Variants in CSPG4 observed in about 807,000 individuals in gnomAD.
CSPG4 encodes the protein chondroitin sulfate proteoglycan 4 (melanoma-associated).
In CSPG4, 74 loss-of-function variants were observed where a neutral mutation model predicts 139.3. The observed-to-expected ratio is 0.53, with a 90% confidence interval of 0.44 to 0.64. CSPG4 has a LOEUF of 0.64. Among genes scored for constraint, CSPG4 ranks in the 30% least tolerant of loss-of-function variants. The probability of loss-of-function intolerance (pLI) is 0.00; values close to 1 mark genes in which losing one functional copy is unlikely to be tolerated. For missense variants in CSPG4, 2,565 were observed against 3,148.3 expected (o/e 0.81, Z 4.43); for synonymous variants, 1,234 against 1,394.2 (o/e 0.89, Z 2.56).
At chr15:75,710,280 C>T (rs1161947626) in intron 1 of CSPG4, among the ~76,000 whole-genome samples, 2 of 152,154 alleles carry the variant, frequency 1.3e-5, no homozygotes, top group African/African-American at 2.4e-5. Flanking sequence ...TGTGACCCCC[C>T]GACTAGAATG....
At position 75,703,458 on chromosome 15, in the gene CSPG4, A is replaced by G. The variant is rs1225094765; in HGVS notation, c.88+9210T>C. Among the ~76,000 whole-genome samples the G allele has an allele frequency of 7.3e-5, 11 of 151,084 alleles. No homozygotes were observed. The East Asian group carries it at 1.4e-3, about 19-fold the overall frequency. ...CAGAGTCCGGGTGGAGCCGGTGAGGAGGGAGGAAGCAGGCGTCTCTGTGGC... is the reference window on the plus strand; with the variant it reads ...CAGAGTCCGGGTGGAGCCGGTGAGGGGGGAGGAAGCAGGCGTCTCTGTGGC... On this transcript the variant is annotated intron_variant, in intron 1 of 9. Coordinates refer to ENST00000308508, the MANE Select transcript of CSPG4 (RefSeq NM_001897.5).
rs760517455 is a variant in CSPG4, at chr15:75,685,247, C to T, written c.4244G>A (p.Arg1415Lys). The change falls in exon 4 of 10, where the codon AGG becomes AAG. Residue 1415 changes from arginine (R) to lysine (K), a missense_variant. Coordinates refer to ENST00000308508, the MANE Select transcript of CSPG4 (RefSeq NM_001897.5). ...ALQKEDGPQA[R>K]TLSAFSWRMV... ...TCTCCAGGAGAAGGCGCTGAGGGTCCTGGCTTGAGGTCCGTCCTCCTTCTG... is the reference window on the plus strand; with the variant it reads ...TCTCCAGGAGAAGGCGCTGAGGGTCTTGGCTTGAGGTCCGTCCTCCTTCTG... 3 of 1,529,796 alleles carry T rather than the reference C, an allele frequency of 2.0e-6. No individual in the cohort carries two copies. The highest frequency in any genetic ancestry group is 2.3e-5 in the East Asian group (1 of 44,114). 94.8% of individuals were successfully genotyped at this position (1,529,796 alleles called of 1,614,324 possible).
intron 1 of CSPG4, among the ~76,000 whole-genome samples, chr15:75,706,287 G>A (rs150213105): frequency 4.6e-5 from 7 of 152,352 alleles, no homozygotes; most frequent in Middle Eastern, 3.4e-3. Context: ...GCCCTGGCGG[G>A]GGAACGAGGC....
Position 75,676,117 on chromosome 15 carries a change from G to C in CSPG4, c.6402C>G (p.Ala2134=). Residue 2134 remains alanine, a synonymous_variant, in exon 10 of 10, where the codon GCC becomes GCG. Coordinates refer to ENST00000308508, the MANE Select transcript of CSPG4 (RefSeq NM_001897.5). ...TGAGACTGTCACCTGCGGGGCCGGGGGCCCTCCCCTCTGGCCTGCCCACCT... is the reference window on the plus strand; with the variant it reads ...TGAGACTGTCACCTGCGGGGCCGGGCGCCCTCCCCTCTGGCCTGCCCACCT... ...GLEVGRPEGR[A]PGPAGDSLTL... 1 of 1,536,942 alleles carries C rather than the reference G, an allele frequency of 6.5e-7. No individual in the cohort carries two copies.
chr15:75,697,771 G>A (rs1181691790), intron 1 of CSPG4, among the ~76,000 whole-genome samples: 1 of 152,214 alleles, frequency 6.6e-6, no homozygotes, highest in East Asian at 1.9e-4. Flanking sequence ...GAGGGCAGGA[G>A]ACCTGGACAT....
Position 75,688,257 on chromosome 15 carries a change from G to C in CSPG4, c.2808C>G (p.Val936=). 6.2e-7 allele frequency: 1 copy of C among 1,613,034 alleles called. No individual in the cohort carries two copies. The change falls in exon 3 of 10, where the codon GTC becomes GTG. Residue 936 remains valine, a synonymous_variant. Coordinates refer to ENST00000308508, the MANE Select transcript of CSPG4 (RefSeq NM_001897.5). The part of the protein sequence containing the change: ...SLNSASYLYE[V]MERPRHGRLA... Reference sequence around the variant, plus strand: ...ACCTCCCATGGCGGGGCCGCTCCATGACCTCATAGAGGTAGCTGGCACTGT... The same window carrying C: ...ACCTCCCATGGCGGGGCCGCTCCATCACCTCATAGAGGTAGCTGGCACTGT...
Position 75,674,869 on chromosome 15 carries a change from A to T in CSPG4, c.*681T>A, listed in dbSNP as rs563480194. The T allele has an allele frequency of 7.5e-6, 3 of 398,644 alleles. No homozygotes were observed. In the South Asian group the frequency reaches 3.8e-4, roughly 51 times the overall value. 24.7% of individuals were successfully genotyped at this position (398,644 alleles called of 1,614,324 possible). A position where few individuals can be genotyped will look rare whatever the true frequency, so the allele number is the denominator to read the frequency against. ...ATCCCACACCCCCAGGGGCTCCATC[A>T]GTCCTGGCTAGCTCAGCACCATGTT... On this transcript the variant is annotated 3_prime_UTR_variant, in exon 10 of 10. Coordinates refer to ENST00000308508, the MANE Select transcript of CSPG4 (RefSeq NM_001897.5).
intron 5 of CSPG4, among the ~76,000 whole-genome samples, chr15:75,683,328 G>C (rs368021207): frequency 6.6e-6 from 1 of 152,168 alleles, no homozygotes; most frequent in African/African-American, 2.4e-5. Context: ...CCCTACCCAG[G>C]AAGGCCCCAG....
rs1362202520 is a variant in CSPG4 at position 75,688,250 on chromosome 15, G to T, written c.2815C>A (p.Arg939=). The T allele has an allele frequency of 5.0e-6, 8 of 1,612,844 alleles. No homozygotes were observed. In the Admixed American group the frequency reaches 1.2e-4, roughly 24 times the overall value. ...CAAGCCAACCTCCCATGGCGGGGCCGCTCCATGACCTCATAGAGGTAGCTG... is the reference window on the plus strand; with the variant it reads ...CAAGCCAACCTCCCATGGCGGGGCCTCTCCATGACCTCATAGAGGTAGCTG... ...SASYLYEVME[R]PRHGRLAWRG... Residue 939 remains arginine, a synonymous_variant, in exon 3 of 10, where the codon CGG becomes AGG. Transcript: ENST00000308508.
chr15:75,692,932 C>G, intron 2 of CSPG4, 138 bp downstream of exon 2: 1 of 592,146 alleles, frequency 1.7e-6, no homozygotes, highest in East Asian at 2.9e-5. Flanking sequence ...CTGCTGCTGC[C>G]CATCCCACAG....
intron 1 of CSPG4, among the ~76,000 whole-genome samples, chr15:75,700,462 G>C (rs1894286852): frequency 6.6e-6 from 1 of 152,180 alleles, no homozygotes; most frequent in Non-Finnish European, 1.5e-5. Flanking sequence ...TGTGGCTCTG[G>C]GGCTGGCCGA....
chr15:75,703,986 G>A (rs12440052), intron 1 of CSPG4, among the ~76,000 whole-genome samples: 24,436 of 47,528 alleles, frequency 0.51, 7,371 homozygotes, highest in African/African-American at 0.68. Context: ...GAAGATGGGA[G>A]CCGGGGGTGG....
chr15:75,686,244 C>T (rs548477017), intron 3 of CSPG4, among the ~76,000 whole-genome samples: 67 of 152,342 alleles, frequency 4.4e-4, no homozygotes, highest in African/African-American at 1.4e-3. Flanking sequence ...CATATGCTGA[C>T]GCAGTCACAC....
At chr15:75,702,154 C>G (rs1894311652) in intron 1 of CSPG4, among the ~76,000 whole-genome samples, 1 of 152,200 alleles carries the variant, frequency 6.6e-6, no homozygotes, top group African/African-American at 2.4e-5. Flanking sequence ...AGGCCCCCAC[C>G]CCCGGGTGGC....
chr15:75,678,965 C>T (rs1431287085), intron 8 of CSPG4: 1 of 356,926 alleles, frequency 2.8e-6, no homozygotes, highest in African/African-American at 2.1e-5. Flanking sequence ...TTCCTCCTAC[C>T]TCACAGACTC....
rs751733501 is a variant in CSPG4 at position 75,683,035 on chromosome 15, C to G, written c.4456G>C (p.Glu1486Gln). The change falls in exon 6 of 10, where the codon GAG (glutamate) becomes CAG (glutamine). Residue 1486 changes from glutamate to glutamine, a missense_variant. Around this residue, in one of 5 missense-constraint regions of CSPG4, gnomAD observed 2,316 missense variants for 2,818.2 expected, o/e 0.82. Transcript: ENST00000308508. ...GCAGGGATGGGCGCAGTGGCCCCCT[C>G]CCACATCTGGGAACACAGGCCTGTG... ...LTTNTGLQMW[E>Q]GATAPIPAEA... is the part of the protein sequence containing the mutation. The G allele has an allele frequency of 4.4e-5, 71 of 1,609,566 alleles. No homozygotes were observed. The highest frequency in any genetic ancestry group is 3.3e-5 in the Admixed American group (2 of 59,936).
rs753437116 is a variant in CSPG4, at chr15:75,687,796, C to G, written c.3269G>C (p.Arg1090Pro). The change falls in exon 3 of 10, where the codon CGA becomes CCA. Residue 1090 changes from arginine (R) to proline (P), a missense_variant. This residue lies in a region of CSPG4 where 2,316 missense variants were observed against 2,818.2 expected (regional missense o/e 0.82). Transcript: ENST00000308508. This position sits in a 1 kb window ranked among gnomAD's most constrained non-coding sequence, Gnocchi z 5.4. ...RFTQEDLRKR[R>P]VLFVHSGADR... is the part of the protein sequence containing the mutation. ...AGCCCCTGAGTGCACGAACAGTACT[C>G]GCCTCTTCCTGAGGTCCTCCTGGGT... The G allele has an allele frequency of 8.1e-6, 13 of 1,612,912 alleles. No homozygotes were observed. Among genetic ancestry groups the G allele is most frequent in the Non-Finnish European group, 1.1e-5 (13 of 1,179,998 alleles).
rs775481005 is a variant in CSPG4, at chr15:75,690,623, C to A, written c.442G>T (p.Val148Phe). ...AGGCCAAGGGTCCCAGTGCCCCCAA[C>A]AAAGAGCCCATAGGGGACCTCTAGG... ...APLEVPYGLF[V>F]GGTGTLGLPY... The change falls in exon 3 of 10, where the codon GTT becomes TTT. Residue 148 changes from valine to phenylalanine, a missense_variant. By Grantham distance (50) the Val-to-Phe change is conservative. Transcript: ENST00000308508. 3 of 1,610,656 alleles carry A rather than the reference C, an allele frequency of 1.9e-6. No individual in the cohort carries two copies. Among genetic ancestry groups the A allele is most frequent in the Non-Finnish European group, 2.5e-6 (3 of 1,179,480 alleles).
chr15:75,678,827 A>G (rs981239564), intron 8 of CSPG4: 3 of 456,074 alleles, frequency 6.6e-6, no homozygotes, highest in African/African-American at 6.0e-5. Context: ...CAAGGGCACC[A>G]GAGGCCTCCG....
Sources: allele counts gnomAD v4.1 joint callset (sites outside exome capture counted in the v4.1 genomes callset), GRCh38; gene constraint gnomAD v4.1.1; regional missense constraint gnomAD v4.1.1; non-coding constraint Gnocchi (gnomAD v3.1); transcripts MANE v1.5; gene names NCBI Gene and HGNC (gene_info 2026-07-23, HGNC 2026-07-21).